The following TMEM233 variants were observed in gnomAD, a reference collection of about 807,000 sequenced individuals.
TMEM233 encodes dispanin subfamily B member 2.
In TMEM233, 6 loss-of-function variants were observed where a neutral mutation model predicts 11.2. That is an observed-to-expected ratio of 0.54 (90% CI 0.29 to 1.06). The LOEUF is 1.06. Ranked by LOEUF, TMEM233 falls within the 50% of genes least tolerant of loss-of-function variation. The pLI is 0.08. For synonymous variants in TMEM233, 59 were observed against 55.8 expected (o/e 1.06, Z -0.26); for missense variants, 127 against 144.7 (o/e 0.88, Z 0.63).
At position 119,640,859 on chromosome 12, in the gene TMEM233, A is replaced by AG; in HGVS notation, c.*154_*155insG. 1.6e-6 allele frequency: 1 copy of AG among 619,944 alleles called. No homozygotes were observed. The highest frequency in any genetic ancestry group is 2.5e-6 in the Non-Finnish European group (1 of 408,110). 38.4% of individuals were successfully genotyped at this position (619,944 alleles called of 1,614,324 possible). A position where few individuals can be genotyped will look rare whatever the true frequency, so the allele number is the denominator to read the frequency against. ...CAGGTCCCTGGCAAATGAACAAGAA[A>AG]AAAAAAAAAAAAAAGTCCAAAATTT... On this transcript the variant is annotated 3_prime_UTR_variant, in exon 3 of 3. Coordinates refer to ENST00000426426, the MANE Select transcript of TMEM233 (RefSeq NM_001136534.3).
the TMEM233 span, among the ~76,000 whole-genome samples, chr12:119,649,418 G>T: frequency 6.6e-6 from 1 of 152,124 alleles, no homozygotes; most frequent in Admixed American, 6.6e-5. Flanking sequence ...TGGAAAAAAT[G>T]GAGAAAGACA....
chr12:119,602,366 G>A (rs1954185981), intron 1 of TMEM233, among the ~76,000 whole-genome samples: 1 of 152,198 alleles, frequency 6.6e-6, no homozygotes, highest in Non-Finnish European at 1.5e-5. Flanking sequence ...ATCTCTCCCT[G>A]TCACTTCTCC....
intron 1 of TMEM233, among the ~76,000 whole-genome samples, chr12:119,616,065 C>A (rs1406042575): frequency 6.6e-6 from 1 of 152,154 alleles, no homozygotes; most frequent in Non-Finnish European, 1.5e-5. Context: ...TTGAAATAAC[C>A]AGCTGCAGTG....
chr12:119,634,141 C>T (rs990483172), intron 2 of TMEM233: 3 of 468,566 alleles, frequency 6.4e-6, no homozygotes, highest in Non-Finnish European at 8.4e-6. Context: ...TGCTGTCTAA[C>T]CCAATGCTAG....
At chr12:119,628,537 T>C (rs1356782291) in intron 1 of TMEM233, among the ~76,000 whole-genome samples, 1 of 118,630 alleles carries the variant, frequency 8.4e-6, no homozygotes, top group Non-Finnish European at 1.6e-5. Flanking sequence ...TCTTGCTCAG[T>C]CGCCCAGGCT....
rs1383665174 is a variant in TMEM233 at position 119,643,014 on chromosome 12, C to T, written c.*2309C>T. 2.0e-5 allele frequency: 3 copies of T among 152,148 alleles called. No individual in the cohort carries two copies. The highest frequency in any genetic ancestry group is 7.2e-5 in the African/African-American group (3 of 41,426). 9.4% of individuals were successfully genotyped at this position (152,148 alleles called of 1,614,324 possible). On this transcript the variant is annotated 3_prime_UTR_variant, in exon 3 of 3. Coordinates refer to ENST00000426426, the MANE Select transcript of TMEM233 (RefSeq NM_001136534.3). ...GTGTTTGGGTCCCTGGTCTTTTACC[C>T]AAATCAAATGAAAAGTGTTGCTCAG... is the stretch of plus-strand genomic sequence containing the variant.
At chr12:119,650,621 AT>A in the TMEM233 span, among the ~76,000 whole-genome samples, 1 of 129,678 alleles carries the variant, frequency 7.7e-6, no homozygotes, top group Non-Finnish European at 1.6e-5. Flanking sequence ...GGGATTGCTT[AT>A]TTGATTTTGT....
intron 2 of TMEM233, chr12:119,634,365 C>T (rs979064199): frequency 1.1e-5 from 8 of 726,100 alleles, no homozygotes; most frequent in Non-Finnish European, 1.3e-5. Flanking sequence ...TAATCCAATA[C>T]CTTGGGCTGA....
At chr12:119,630,994 T>C (rs1954868724) in intron 2 of TMEM233, 1 of 152,194 alleles carries the variant, frequency 6.6e-6, no homozygotes, top group Non-Finnish European at 1.5e-5. Context: ...TTTATTCTGA[T>C]TTCTCTAACC....
intron 1 of TMEM233, among the ~76,000 whole-genome samples, chr12:119,620,406 T>A (rs1298402900): frequency 1.3e-5 from 2 of 152,200 alleles, no homozygotes; most frequent in African/African-American, 4.8e-5. Context: ...ACAATTCCAT[T>A]CCTAGAAATT....
chr12:119,622,286 A>C (rs534309087), intron 1 of TMEM233, among the ~76,000 whole-genome samples: 4 of 152,332 alleles, frequency 2.6e-5, no homozygotes, highest in Admixed American at 1.3e-4. Flanking sequence ...TATCTCTGAG[A>C]AGTAAGATTA....
chr12:119,637,044 C>G (rs1009569589), intron 2 of TMEM233, among the ~76,000 whole-genome samples: 6 of 152,204 alleles, frequency 3.9e-5, no homozygotes, highest in African/African-American at 9.6e-5. Context: ...GAACCACACT[C>G]TGGGCTCACA....
intron 1 of TMEM233, among the ~76,000 whole-genome samples, chr12:119,615,082 C>A (rs1184311396): frequency 6.8e-6 from 1 of 147,088 alleles, no homozygotes; most frequent in African/African-American, 2.5e-5. Flanking sequence ...TTTATAATTG[C>A]CATCCTCCCT....
chr12:119,610,996 G>T (rs1240737587), intron 1 of TMEM233, among the ~76,000 whole-genome samples: 1 of 152,128 alleles, frequency 6.6e-6, no homozygotes, highest in Non-Finnish European at 1.5e-5. Context: ...CCATGTTGTA[G>T]CATTAATCAG....
chr12:119,615,740 C>T (rs984270307), intron 1 of TMEM233, among the ~76,000 whole-genome samples: 1 of 152,192 alleles, frequency 6.6e-6, no homozygotes, highest in African/African-American at 2.4e-5. Context: ...GTACTTTCCA[C>T]ATTTTCCTGG....
At chr12:119,649,464 T>A in the TMEM233 span, among the ~76,000 whole-genome samples, 1 of 152,184 alleles carries the variant, frequency 6.6e-6, no homozygotes, top group Admixed American at 6.5e-5. Flanking sequence ...ACAAATATCG[T>A]ATTTCTTTGC....
intron 1 of TMEM233, among the ~76,000 whole-genome samples, chr12:119,612,949 T>G (rs11064843): frequency 0.73 from 110,392 of 151,724 alleles, 40,783 homozygotes; most frequent in Middle Eastern, 0.83. Context: ...AAAACTAAGG[T>G]TTTTTTTGTT....
intron 2 of TMEM233, chr12:119,634,143 C>A: frequency 2.1e-6 from 1 of 482,234 alleles, no homozygotes. Flanking sequence ...CTGTCTAACC[C>A]AATGCTAGGG....
At chr12:119,604,715 A>C (rs1450622989) in intron 1 of TMEM233, among the ~76,000 whole-genome samples, 1 of 152,136 alleles carries the variant, frequency 6.6e-6, no homozygotes, top group African/African-American at 2.4e-5. Flanking sequence ...GGCTCACTCC[A>C]GCCTCAATCT....
Sources: gnomAD v4.1 joint callset for allele counts (sites outside exome capture counted in the v4.1 genomes callset) on GRCh38, gnomAD v4.1.1 for gene constraint, MANE v1.5 for transcripts, NCBI Gene and HGNC (gene_info 2026-07-23, HGNC 2026-07-21) for gene names.